Variants in ATP13A3 observed in about 807,000 individuals in gnomAD.
The protein encoded by ATP13A3 is polyamine-transporting ATPase 13A3.
A neutral mutation model predicts 158.1 loss-of-function variants in ATP13A3; 59 were observed. That is an observed-to-expected ratio of 0.37 (90% CI 0.30 to 0.46). The LOEUF (loss-of-function observed/expected upper bound fraction) is 0.46. Among genes scored for constraint, ATP13A3 ranks in the 20% least tolerant of loss-of-function variants. The pLI, the probability that ATP13A3 is intolerant of heterozygous loss-of-function variation, is 1.00. For missense variants in ATP13A3, 1,166 were observed against 1,525.2 expected (o/e 0.76, Z 3.92); for synonymous variants, 491 against 504.3 (o/e 0.97, Z 0.35).
At chr3:194,420,134 T>A in intron 30 of ATP13A3, 167 bp from the exon 31 acceptor site, 2 of 640,690 alleles carry the variant, frequency 3.1e-6, no homozygotes, top group Non-Finnish European at 4.5e-6. Flanking sequence ...GTATGAGACA[T>A]TGTTCGGGGC....
chr3:194,484,041 G>C (rs1207934356), intron 2 of ATP13A3, among the ~76,000 whole-genome samples: 1 of 152,116 alleles, frequency 6.6e-6, no homozygotes, highest in East Asian at 1.9e-4. Context: ...AAAAGAAGGT[G>C]ATCTAGTGTG....
upstream of ATP13A3, among the ~76,000 whole-genome samples, chr3:194,490,210 G>A (rs4974526): frequency 5.3e-5 from 8 of 151,952 alleles, no homozygotes; most frequent in East Asian, 1.9e-4. The surrounding 1 kb of genome is among the most constrained non-coding windows in gnomAD (Gnocchi z 4.4). Context: ...CTTCCCACCC[G>A]CAAATCTGCG....
intron 2 of ATP13A3, among the ~76,000 whole-genome samples, chr3:194,483,064 G>A (rs1254597127): frequency 6.0e-5 from 9 of 149,044 alleles, no homozygotes; most frequent in South Asian, 2.1e-4. Context: ...CGGAGATCGC[G>A]CCTCTGCACT....
Position 194,486,923 on chromosome 3 carries a change from C to G in ATP13A3, c.-446G>C, listed in dbSNP as rs1470284377. 6.6e-6 allele frequency: 1 copy of G among 152,220 alleles called. No homozygotes were observed. Among genetic ancestry groups the G allele is most frequent in the Non-Finnish European group, 1.5e-5 (1 of 68,156 alleles). 9.4% of individuals were successfully genotyped at this position (152,220 alleles called of 1,614,324 possible). ...CGCCGCCAGCGACGTAGAGAACCCC[C>G]CTCCCCTCCGCGGCGGCGCCCGATC... is the stretch of plus-strand genomic sequence containing the variant. On this transcript the variant is annotated 5_prime_UTR_variant, in exon 1 of 34. Transcript: ENST00000645319.
chr3:194,426,474 T>C (rs1716783682), intron 29 of ATP13A3, among the ~76,000 whole-genome samples: 1 of 152,136 alleles, frequency 6.6e-6, no homozygotes, highest in Admixed American at 6.6e-5. Context: ...GGATGAAAGA[T>C]TAGAAATACA....
intron 6 of ATP13A3, 48 bp downstream of exon 6, chr3:194,459,423 G>A (rs111704776): frequency 3.6e-5 from 46 of 1,281,574 alleles, no homozygotes; most frequent in African/African-American, 8.8e-5. Context: ...TATCTAGAAC[G>A]TTTTCAGGAT....
intron 21 of ATP13A3, among the ~76,000 whole-genome samples, chr3:194,432,843 C>T (rs1172735261): frequency 6.6e-6 from 1 of 151,806 alleles, no homozygotes; most frequent in Non-Finnish European, 1.5e-5. Flanking sequence ...AACAGAGCTA[C>T]CACAATTTCA....
At chr3:194,408,887 C>CA (rs199871063) in intron 33 of ATP13A3, among the ~76,000 whole-genome samples, 3,728 of 152,136 alleles carry the variant, frequency 0.025, 160 homozygotes, top group African/African-American at 0.086. Flanking sequence ...AGAAATCAGC[C>CA]AGCGGGGAGA....
At chr3:194,423,227 G>T (rs1716516071) in intron 30 of ATP13A3, among the ~76,000 whole-genome samples, 1 of 152,130 alleles carries the variant, frequency 6.6e-6, no homozygotes, top group Non-Finnish European at 1.5e-5. Context: ...CACACAGACT[G>T]AAGTTAAGTT....
At chr3:194,444,899 A>G in intron 14 of ATP13A3, 113 bp from the exon 15 acceptor site, 1 of 734,184 alleles carries the variant, frequency 1.4e-6, no homozygotes, top group Non-Finnish European at 2.2e-6. Context: ...TACATATAAC[A>G]TAATGGAGTT....
chr3:194,406,125 A>G lies in ATP13A3; in HGVS notation c.3574-9T>C, dbSNP rs547556586. On this transcript the variant is annotated splice_polypyrimidine_tract_variant and intron_variant, in intron 33 of 33. Coordinates refer to ENST00000645319, the MANE Select transcript of ATP13A3 (RefSeq NM_001367549.1). ...CACCGATCCACTGACTCCTAAGAAA[A>G]TAAGAAAAAAACAAAACAAAACACC... The G allele has an allele frequency of 1.3e-4, 217 of 1,613,292 alleles. No homozygotes were observed. In the South Asian group the frequency reaches 2.2e-3, roughly 16 times the overall value.
chr3:194,448,880 C>G lies in ATP13A3; in HGVS notation c.971-244G>C, dbSNP rs1248901518. ...TAATTCCAGAAAGTGATTTGTGGCTCAAAGGTAATATTTGTTTATATTTAG... is the reference window on the plus strand; with the variant it reads ...TAATTCCAGAAAGTGATTTGTGGCTGAAAGGTAATATTTGTTTATATTTAG... On this transcript the variant is annotated intron_variant, in intron 11 of 33. Transcript: ENST00000645319. This position sits in a 1 kb window ranked among gnomAD's most constrained non-coding sequence, Gnocchi z 4.0. Among the ~76,000 whole-genome samples, 1 of 152,054 alleles carries G rather than the reference C, an allele frequency of 6.6e-6. No homozygotes were observed. Among genetic ancestry groups the G allele is most frequent in the Non-Finnish European group, 1.5e-5 (1 of 68,010 alleles).
At chr3:194,445,059 C>A (rs1205430880) in intron 14 of ATP13A3, among the ~76,000 whole-genome samples, 9 of 147,874 alleles carry the variant, frequency 6.1e-5, no homozygotes, top group Non-Finnish European at 1.2e-4. Flanking sequence ...CTTATACTAT[C>A]AAAAAAAAAA....
At chr3:194,463,869 G>A (rs1297180386) in intron 2 of ATP13A3, among the ~76,000 whole-genome samples, 5 of 152,162 alleles carry the variant, frequency 3.3e-5, no homozygotes, top group Non-Finnish European at 5.9e-5. Flanking sequence ...CCAATAAGAG[G>A]GGTCTATCTG....
chr3:194,487,554 G>C (rs1382963904), upstream of ATP13A3: 2 of 152,246 alleles, frequency 1.3e-5, no homozygotes, highest in Non-Finnish European at 2.9e-5. Flanking sequence ...AGGGAGGAGC[G>C]CACACGAGAA....
At chr3:194,491,924 C>T (rs939903916), upstream of ATP13A3, among the ~76,000 whole-genome samples, 1 of 151,984 alleles carries the variant, frequency 6.6e-6, no homozygotes, top group Non-Finnish European at 1.5e-5. Flanking sequence ...CTAGTGCATT[C>T]GCTCCCAGTG....
At chr3:194,440,938 A>T (rs1199151467) in intron 16 of ATP13A3, among the ~76,000 whole-genome samples, 2 of 152,204 alleles carry the variant, frequency 1.3e-5, no homozygotes, top group East Asian at 3.8e-4. Flanking sequence ...ACAGGTAAAA[A>T]AGAGCAATGA....
intron 30 of ATP13A3, among the ~76,000 whole-genome samples, chr3:194,422,130 G>GA (rs931483444): frequency 3.3e-4 from 48 of 146,432 alleles, no homozygotes; most frequent in Admixed American, 6.1e-4. Context: ...TAGCCTGGAG[G>GA]AAAAAAAAAA....
chr3:194,489,827 G>A (rs1451931281), upstream of ATP13A3, among the ~76,000 whole-genome samples: 1 of 152,190 alleles, frequency 6.6e-6, no homozygotes, highest in Non-Finnish European at 1.5e-5. This position sits in a 1 kb window ranked among gnomAD's most constrained non-coding sequence, Gnocchi z 4.1. Flanking sequence ...CACCAGGAAA[G>A]GCTTGAGCAT....
Sources: allele counts gnomAD v4.1 joint callset (sites outside exome capture counted in the v4.1 genomes callset), GRCh38; gene constraint gnomAD v4.1.1; non-coding constraint Gnocchi (gnomAD v3.1); transcripts MANE v1.5; gene names NCBI Gene and HGNC (gene_info 2026-07-23, HGNC 2026-07-21).